Variants in FAAH2 observed in about 807,000 individuals in gnomAD.
FAAH2 encodes the protein fatty acid amide hydrolase 2, also known as fatty-acid amide hydrolase 2.
In FAAH2, 60 loss-of-function variants were observed where a neutral mutation model predicts 36.9. That is an observed-to-expected ratio of 1.63 (90% CI 1.32 to 2.02). FAAH2 has a LOEUF of 2.02. Among genes scored for constraint, FAAH2 ranks in the 30% most tolerant of loss-of-function variants. The pLI is 0.00. For synonymous variants in FAAH2, 214 were observed against 143.8 expected (o/e 1.49, Z -3.49); for missense variants, 689 against 397.5 (o/e 1.73, Z -6.23).
chrX:57,465,937 A>G (rs1026372704), intron 10 of FAAH2, among the ~76,000 whole-genome samples: 2 of 109,969 alleles, frequency 1.8e-5, no homozygotes, highest in Admixed American at 2.0e-4. Context: ...TTGTAACAAG[A>G]AAATGACACT....
At chrX:57,320,752 A>C (rs1490148204) in intron 3 of FAAH2, among the ~76,000 whole-genome samples, 2 of 112,702 alleles carry the variant, frequency 1.8e-5, no homozygotes, top group Non-Finnish European at 3.7e-5. Context: ...TCATAAAAGC[A>C]AAGACTTGGA....
chrX:57,283,394 G>A (rs1289776272), upstream of FAAH2, among the ~76,000 whole-genome samples: 1 of 111,347 alleles, frequency 9.0e-6, no homozygotes, highest in Non-Finnish European at 1.9e-5. Context: ...GTCGGGGTTC[G>A]AGGGATAACA....
intron 5 of FAAH2, among the ~76,000 whole-genome samples, chrX:57,369,094 A>T (rs747208876): frequency 9.3e-6 from 1 of 107,412 alleles, no homozygotes; most frequent in African/African-American, 3.4e-5. Flanking sequence ...TAAGACTGAG[A>T]GCTTTAGCAG....
At chrX:57,268,506 A>G in the FAAH2 span, among the ~76,000 whole-genome samples, 1 of 111,090 alleles carries the variant, frequency 9.0e-6, no homozygotes, top group East Asian at 2.8e-4. Context: ...AGAGAACCCC[A>G]GTAACATGCT....
At chrX:57,251,854 G>T in the FAAH2 span, among the ~76,000 whole-genome samples, 160 of 111,769 alleles carry the variant, frequency 1.4e-3, no homozygotes, top group Middle Eastern at 0.014. Flanking sequence ...TTGGAGAGTG[G>T]GTGCAGCCCA....
the FAAH2 span, chrX:57,137,358 TGAG>T: frequency 1.3e-6 from 1 of 756,679 alleles, no homozygotes; most frequent in Non-Finnish European, 1.6e-6. Context: ...GATCCATAGA[TGAG>T]GAGCGTGTGT....
chrX:57,303,193 A>G, intron 2 of FAAH2, among the ~76,000 whole-genome samples: 1 of 111,918 alleles, frequency 8.9e-6, no homozygotes, highest in Middle Eastern at 4.6e-3. Flanking sequence ...CTGGGAGACA[A>G]GTGTTTCAGG....
At chrX:57,480,587 G>A (rs2057361036) in intron 10 of FAAH2, among the ~76,000 whole-genome samples, 1 of 111,758 alleles carries the variant, frequency 8.9e-6, no homozygotes. Flanking sequence ...AGGCTTGTAG[G>A]GTTTCTGCAG....
chrX:57,384,767 G>C (rs189500119), intron 7 of FAAH2, among the ~76,000 whole-genome samples: 4 of 111,389 alleles, frequency 3.6e-5, no homozygotes, highest in Admixed American at 2.9e-4. Flanking sequence ...GTTAGTGTGG[G>C]GATTCCTCAG....
At chrX:57,324,242 A>G (rs2053136377) in intron 3 of FAAH2, among the ~76,000 whole-genome samples, 1 of 111,966 alleles carries the variant, frequency 8.9e-6, no homozygotes, top group Non-Finnish European at 1.9e-5. Flanking sequence ...TGGTTACTGT[A>G]GCCTTTAGTA....
intron 10 of FAAH2, among the ~76,000 whole-genome samples, chrX:57,452,795 G>T (rs2056808308): frequency 8.9e-6 from 1 of 111,910 alleles, no homozygotes; most frequent in Non-Finnish European, 1.9e-5. Context: ...TGATCAAATG[G>T]CATAAAGCAA....
chrX:57,288,080 A>T (rs1231023785), intron 1 of FAAH2, among the ~76,000 whole-genome samples: 1 of 110,996 alleles, frequency 9.0e-6, no homozygotes, highest in Non-Finnish European at 1.9e-5. Flanking sequence ...AGATTTTGAC[A>T]TTACTTTTAA....
At chrX:57,348,303 C>T (rs909546135) in intron 5 of FAAH2, among the ~76,000 whole-genome samples, 1 of 110,547 alleles carries the variant, frequency 9.0e-6, no homozygotes, top group Admixed American at 9.7e-5. Context: ...GTTGCTGGCC[C>T]AAAAAGCCCA....
chrX:57,209,941 T>C, the FAAH2 span, among the ~76,000 whole-genome samples: 8 of 109,930 alleles, frequency 7.3e-5, no homozygotes, highest in Non-Finnish European at 1.3e-4. Flanking sequence ...GGGTTAATTA[T>C]GTGGTTTTTT....
At chrX:57,381,109 C>A in intron 7 of FAAH2, 80 bp downstream of exon 7, 1 of 694,176 alleles carries the variant, frequency 1.4e-6, no homozygotes, top group South Asian at 2.8e-5. Flanking sequence ...CACTTACTGC[C>A]AAATATTTCT....
intron 8 of FAAH2, among the ~76,000 whole-genome samples, chrX:57,445,579 A>G (rs1451661076): frequency 8.9e-6 from 1 of 111,983 alleles, no homozygotes; most frequent in African/African-American, 3.2e-5. Context: ...ACTTCAGGAC[A>G]GTCAATTCCC....
chrX:57,420,541 G>A (rs2055988892), intron 7 of FAAH2, among the ~76,000 whole-genome samples: 1 of 110,739 alleles, frequency 9.0e-6, no homozygotes, highest in Admixed American at 9.7e-5. Context: ...TGGTGTATAA[G>A]AATGCTTGTG....
At chrX:57,332,397 A>G (rs1336465659) in intron 4 of FAAH2, among the ~76,000 whole-genome samples, 1 of 112,321 alleles carries the variant, frequency 8.9e-6, no homozygotes, top group East Asian at 2.8e-4. Context: ...ACTCCAATTC[A>G]CACAATAAGA....
chrX:57,451,621 C>T (rs1188041752), intron 10 of FAAH2, among the ~76,000 whole-genome samples: 3 of 111,178 alleles, frequency 2.7e-5, no homozygotes, highest in African/African-American at 9.8e-5. Flanking sequence ...CCACGCAGTA[C>T]GAACCCCATG....
Sources: gnomAD v4.1 joint callset for allele counts (sites outside exome capture counted in the v4.1 genomes callset) on GRCh38, gnomAD v4.1.1 for gene constraint, MANE v1.5 for transcripts, NCBI Gene and HGNC (gene_info 2026-07-23, HGNC 2026-07-21) for gene names.